The following TLN2 variants were observed in gnomAD, a reference collection of about 807,000 sequenced individuals.
TLN2 encodes talin-2.
A neutral mutation model predicts 294.7 loss-of-function variants in TLN2; 118 were observed. That is an observed-to-expected ratio of 0.40 (90% CI 0.34 to 0.47). The LOEUF (loss-of-function observed/expected upper bound fraction) is 0.47, where lower values mean the gene tolerates loss of function less well. Among genes scored for constraint, TLN2 ranks in the 20% least tolerant of loss-of-function variants. TLN2 has a pLI of 0.84. For missense variants in TLN2, 3,083 were observed against 3,282.2 expected, an observed-to-expected ratio of 0.94 and a Z score of 1.48; for synonymous variants, 1,431 against 1,304.5, an observed-to-expected ratio of 1.10 and a Z score of -2.09.
intron 1 of TLN2, among the ~76,000 whole-genome samples, chr15:62,392,593 A>G (rs1353256253): frequency 6.6e-6 from 1 of 152,092 alleles, no homozygotes; most frequent in African/African-American, 2.4e-5. Flanking sequence ...TTGTGATGGG[A>G]CAGGGCACGG....
At chr15:62,392,572 T>C (rs1396495405) in intron 1 of TLN2, among the ~76,000 whole-genome samples, 2 of 152,156 alleles carry the variant, frequency 1.3e-5, no homozygotes, top group Admixed American at 1.3e-4. Flanking sequence ...AAGTAGACTG[T>C]GACCTCTGCT....
At chr15:62,616,030 G>C (rs1279551451) in intron 2 of TLN2, among the ~76,000 whole-genome samples, 1 of 152,186 alleles carries the variant, frequency 6.6e-6, no homozygotes, top group East Asian at 1.9e-4. Context: ...TTTGTATCAT[G>C]ATACTTGTTT....
chr15:62,468,683 T>TG (rs2037279125), intron 1 of TLN2, among the ~76,000 whole-genome samples: 1 of 150,466 alleles, frequency 6.6e-6, no homozygotes, highest in South Asian at 2.1e-4. Flanking sequence ...AGGCGGAGCT[T>TG]GCAGTGAGCT....
Position 62,792,704 on chromosome 15 carries a change from A to G in TLN2, c.5800A>G (p.Lys1934Glu). Residue 1934 changes from lysine to glutamate, a missense_variant, in exon 46 of 59, where the codon AAG becomes GAG. Coordinates refer to ENST00000636159, the MANE Select transcript of TLN2 (RefSeq NM_015059.3). ...LGHGCIFLVQ[K>E]AGALQVCPTD... ...CCACGGCTGTATCTTCCTGGTGCAG[A>G]AGGCAGGGGCCCTCCAGGTCTGCCC... 1 of 1,614,058 alleles carries G rather than the reference A, an allele frequency of 6.2e-7. No homozygotes were observed. Among genetic ancestry groups the G allele is most frequent in the Admixed American group, 1.7e-5 (1 of 60,024 alleles).
chr15:62,706,221 A>G (rs1369752994), intron 19 of TLN2, among the ~76,000 whole-genome samples: 1 of 39,038 alleles, frequency 2.6e-5, no homozygotes, highest in African/African-American at 3.5e-5. Flanking sequence ...AGTCAAATAA[A>G]CTACTTTCAG....
At chr15:62,551,131 G>C (rs766290491) in intron 1 of TLN2, among the ~76,000 whole-genome samples, 2 of 152,122 alleles carry the variant, frequency 1.3e-5, no homozygotes, top group African/African-American at 4.8e-5. Context: ...GCAATCCTAT[G>C]AGAATCTAAT....
At chr15:62,615,906 T>C (rs538433591) in intron 2 of TLN2, among the ~76,000 whole-genome samples, 11 of 152,338 alleles carry the variant, frequency 7.2e-5, no homozygotes, top group Admixed American at 2.0e-4. Context: ...GCTAAGATGA[T>C]AGAGAATATC....
intron 42 of TLN2, among the ~76,000 whole-genome samples, chr15:62,773,282 A>G (rs1333611764): frequency 2.7e-5 from 2 of 73,956 alleles, no homozygotes; most frequent in African/African-American, 5.7e-5. Flanking sequence ...CCAGCCATAG[A>G]GCACACACAG....
intron 42 of TLN2, among the ~76,000 whole-genome samples, chr15:62,771,421 G>C (rs576145438): frequency 6.6e-6 from 1 of 152,230 alleles, no homozygotes; most frequent in Non-Finnish European, 1.5e-5. Flanking sequence ...TGTAATGCTT[G>C]CTGGGTCCCT....
rs1567138924 is a variant in TLN2 at position 62,582,243 on chromosome 15, CA to C, written c.-237-7443del. 9.6e-3 allele frequency among the ~76,000 whole-genome samples: 1,392 copies of C among 145,156 alleles called. 52 individuals are homozygous for C. Among genetic ancestry groups the C allele is most frequent in the African/African-American group, 0.033 (1,276 of 38,842 alleles). The stretch of plus-strand genomic sequence containing the variant: ...ACACACACACACACACACACACACA[CA>C]CACATTCATGCCTGACCCATTCCTG... On this transcript the variant is annotated intron_variant, in intron 1 of 58. Coordinates refer to ENST00000636159, the MANE Select transcript of TLN2 (RefSeq NM_015059.3).
intron 1 of TLN2, among the ~76,000 whole-genome samples, chr15:62,428,079 C>G (rs2034815249): frequency 6.6e-6 from 1 of 152,180 alleles, no homozygotes; most frequent in Non-Finnish European, 1.5e-5. Context: ...CCACCACCCC[C>G]CCTCCACAAT....
chr15:62,397,889 G>A (rs1264917762), intron 1 of TLN2, among the ~76,000 whole-genome samples: 13 of 152,106 alleles, frequency 8.5e-5, no homozygotes, highest in Non-Finnish European at 1.9e-4. Context: ...TCCAATCCCT[G>A]GCTTAGATGG....
intron 12 of TLN2, chr15:62,690,425 A>G: frequency 5.8e-6 from 1 of 172,186 alleles, no homozygotes; most frequent in Non-Finnish European, 1.2e-5. Flanking sequence ...GGCCGGGCAG[A>G]GACGCTTCTC....
chr15:62,815,252 C>T (rs950297), intron 52 of TLN2, among the ~76,000 whole-genome samples: 2,940 of 150,598 alleles, frequency 0.02, 56 homozygotes, highest in Admixed American at 0.034. Flanking sequence ...CTGCCCTTCA[C>T]TCTGTTCTTT....
At chr15:62,484,289 A>G (rs1401227096) in intron 1 of TLN2, among the ~76,000 whole-genome samples, 10 of 152,196 alleles carry the variant, frequency 6.6e-5, no homozygotes, top group Admixed American at 6.5e-4. Context: ...TTTATTACTA[A>G]AAAAAGAAAT....
intron 3 of TLN2, among the ~76,000 whole-genome samples, chr15:62,646,575 G>A (rs751332256): frequency 3.3e-5 from 5 of 152,188 alleles, no homozygotes; most frequent in Admixed American, 3.3e-4. Flanking sequence ...CCCCAATCAC[G>A]TGAAGCTTCT....
intron 1 of TLN2, among the ~76,000 whole-genome samples, chr15:62,403,107 G>A (rs369980009): frequency 5.9e-5 from 9 of 151,956 alleles, no homozygotes; most frequent in African/African-American, 1.7e-4. Context: ...GCATGGTGGC[G>A]TGTGCCTGTA....
At chr15:62,448,374 A>G (rs575627649) in intron 1 of TLN2, among the ~76,000 whole-genome samples, 3 of 152,338 alleles carry the variant, frequency 2.0e-5, no homozygotes, top group East Asian at 3.9e-4. Flanking sequence ...ATAGAAATGC[A>G]TGATCATATT....
chr15:62,408,172 G>A (rs115460332), intron 1 of TLN2, among the ~76,000 whole-genome samples: 5,269 of 152,132 alleles, frequency 0.035, 309 homozygotes, highest in African/African-American at 0.12. Context: ...GTGGAGTGGC[G>A]GGTGGGAGGT....
Sources: gnomAD v4.1 joint callset for allele counts (sites outside exome capture counted in the v4.1 genomes callset) on GRCh38, gnomAD v4.1.1 for gene constraint, MANE v1.5 for transcripts, NCBI Gene and HGNC (gene_info 2026-07-23, HGNC 2026-07-21) for gene names.